Variants in TMEM117 observed in about 807,000 individuals in gnomAD.
The protein encoded by TMEM117 is transmembrane protein 117.
In TMEM117, 27 loss-of-function variants were observed where a neutral mutation model predicts 52.4. The observed-to-expected ratio is 0.51, with a 90% CI of 0.38 to 0.71. The LOEUF (loss-of-function observed/expected upper bound fraction) is 0.71, where lower values mean the gene tolerates loss of function less well. Among genes scored for constraint, TMEM117 ranks in the 30% least tolerant of loss-of-function variants. The pLI is 0.00. For missense variants in TMEM117, 556 were observed against 630.5 expected (o/e 0.88, Z 1.26); for synonymous variants, 215 against 206.3 (o/e 1.04, Z -0.36).
chr12:44,377,193 GGA>G (rs926012523), intron 7 of TMEM117, among the ~76,000 whole-genome samples: 1 of 152,130 alleles, frequency 6.6e-6, no homozygotes, highest in African/African-American at 2.4e-5. Context: ...TCTTTGCTGT[GGA>G]GAGTCATTTC....
chr12:44,274,746 T>C (rs997457175), intron 5 of TMEM117, among the ~76,000 whole-genome samples: 1 of 151,982 alleles, frequency 6.6e-6, no homozygotes, highest in Non-Finnish European at 1.5e-5. Flanking sequence ...AAACTGGATA[T>C]AAATACTCGG....
Position 44,388,292 on chromosome 12 carries a change from A to C in TMEM117, c.1165A>C (p.Ser389Arg), listed in dbSNP as rs1478458069. The C allele has an allele frequency of 6.2e-7, 1 of 1,613,644 alleles. No individual in the cohort carries two copies. The highest frequency in any genetic ancestry group is 8.5e-7 in the Non-Finnish European group (1 of 1,179,678). Residue 389 changes from serine to arginine, a missense_variant, in exon 8 of 8, where the codon AGT becomes CGT. By Grantham distance (110) the Ser-to-Arg change is moderately radical. Coordinates refer to ENST00000266534, the MANE Select transcript of TMEM117 (RefSeq NM_032256.3). ...MFLHSRFIGA[S>R]LDVKCLAFVP... ...CTTACACAGCAGGTTCATAGGAGCC[A>C]GTCTTGATGTCAAGTGTCTGGCCTT... is the stretch of plus-strand genomic sequence containing the variant.
chr12:43,834,244 AAC>A (rs1245709418), upstream of TMEM117, among the ~76,000 whole-genome samples: 1 of 152,242 alleles, frequency 6.6e-6, no homozygotes, highest in Non-Finnish European at 1.5e-5. Flanking sequence ...ACCTTTGTTA[AAC>A]AGTTACCCAC....
chr12:44,213,250 C>G (rs1949670535), intron 5 of TMEM117, among the ~76,000 whole-genome samples: 1 of 152,150 alleles, frequency 6.6e-6, no homozygotes. Context: ...AGTTCTCTGA[C>G]TCCAGAGCCC....
At chr12:44,391,845 AG>A (rs2138883671), downstream of TMEM117, among the ~76,000 whole-genome samples, 1 of 152,218 alleles carries the variant, frequency 6.6e-6, no homozygotes, top group East Asian at 1.9e-4. Flanking sequence ...GGCAGCTACA[AG>A]TAGGGTATTA....
At chr12:44,169,093 A>C (rs1565858216) in intron 4 of TMEM117, among the ~76,000 whole-genome samples, 1 of 152,118 alleles carries the variant, frequency 6.6e-6, no homozygotes, top group Non-Finnish European at 1.5e-5. Context: ...TTGTTTATTC[A>C]TTCCTCCATT....
intron 2 of TMEM117, among the ~76,000 whole-genome samples, chr12:43,875,715 T>C (rs950818141): frequency 5.3e-5 from 8 of 152,192 alleles, no homozygotes; most frequent in African/African-American, 1.4e-4. Context: ...TTGGGCTACT[T>C]TATTTACTAT....
intron 6 of TMEM117, among the ~76,000 whole-genome samples, chr12:44,368,851 C>G (rs1484364808): frequency 6.6e-6 from 1 of 152,108 alleles, no homozygotes; most frequent in Non-Finnish European, 1.5e-5. Flanking sequence ...ATTGGAGGAA[C>G]ATGCATTTGA....
At chr12:44,189,207 A>G (rs983867739) in intron 4 of TMEM117, among the ~76,000 whole-genome samples, 1 of 152,176 alleles carries the variant, frequency 6.6e-6, no homozygotes, top group African/African-American at 2.4e-5. Context: ...TAAATATATG[A>G]ATGAATAACT....
chr12:43,816,950 C>G, the TMEM117 span, among the ~76,000 whole-genome samples: 1 of 152,294 alleles, frequency 6.6e-6, no homozygotes, highest in East Asian at 1.9e-4. Context: ...TATTGGGAAA[C>G]TGGGAACTGT....
At chr12:44,381,579 C>T (rs1194255852) in intron 7 of TMEM117, among the ~76,000 whole-genome samples, 1 of 152,100 alleles carries the variant, frequency 6.6e-6, no homozygotes, top group Non-Finnish European at 1.5e-5. Context: ...GCCTGTGCAG[C>T]CTTGAGAAAA....
At chr12:44,035,694 T>A (rs1035835645) in intron 3 of TMEM117, among the ~76,000 whole-genome samples, 1 of 152,232 alleles carries the variant, frequency 6.6e-6, no homozygotes, top group African/African-American at 2.4e-5. Context: ...GTATTGAATC[T>A]GGCTTGGATT....
the TMEM117 span, chr12:43,797,266 C>G: frequency 5.2e-6 from 8 of 1,545,290 alleles, no homozygotes; most frequent in African/African-American, 8.3e-5. Context: ...AATAAACAAA[C>G]TGAAAGTAAT....
At position 44,344,278 on chromosome 12, in the gene TMEM117, G is replaced by A. The variant is rs528195238; in HGVS notation, c.769-32317G>A. 3.3e-5 allele frequency among the ~76,000 whole-genome samples: 5 copies of A among 152,164 alleles called. 1 individual carries two copies. Among genetic ancestry groups the A allele is most frequent in the African/African-American group, 1.2e-4 (5 of 41,532 alleles). Reference sequence around the variant, plus strand: ...CTAGAGGAGAAGCAACTAGGAGTATGGTTTTCACCAAGTAAAGACTGAACA... The same window carrying A: ...CTAGAGGAGAAGCAACTAGGAGTATAGTTTTCACCAAGTAAAGACTGAACA... On this transcript the variant is annotated intron_variant, in intron 6 of 7. Transcript: ENST00000266534.
At chr12:44,077,284 C>A (rs934520994) in intron 3 of TMEM117, among the ~76,000 whole-genome samples, 1 of 152,198 alleles carries the variant, frequency 6.6e-6, no homozygotes, top group African/African-American at 2.4e-5. Context: ...GTACAACTTG[C>A]TGCAAACAGG....
intron 6 of TMEM117, among the ~76,000 whole-genome samples, chr12:44,323,983 A>G (rs963003954): frequency 6.6e-6 from 1 of 151,874 alleles, no homozygotes; most frequent in African/African-American, 2.4e-5. Flanking sequence ...GGTATACTCT[A>G]TTTTTTTCCT....
chr12:43,877,327 A>G (rs1943815347), intron 2 of TMEM117, among the ~76,000 whole-genome samples: 2 of 152,190 alleles, frequency 1.3e-5, no homozygotes, highest in African/African-American at 2.4e-5. Flanking sequence ...GAGAGAATCT[A>G]TCTCATAGAA....
chr12:44,049,328 C>G (rs897221419), intron 3 of TMEM117, among the ~76,000 whole-genome samples: 11 of 152,090 alleles, frequency 7.2e-5, no homozygotes, highest in African/African-American at 2.7e-4. Flanking sequence ...GAAAACCAAA[C>G]ACCACATGTT....
the TMEM117 span, among the ~76,000 whole-genome samples, chr12:43,821,231 T>C: frequency 6.6e-6 from 1 of 152,308 alleles, no homozygotes; most frequent in African/African-American, 2.4e-5. Context: ...AATACCCTTA[T>C]TGTGTGACTG....
Sources: gnomAD v4.1 joint callset for allele counts (sites outside exome capture counted in the v4.1 genomes callset) on GRCh38, gnomAD v4.1.1 for gene constraint, MANE v1.5 for transcripts, NCBI Gene and HGNC (gene_info 2026-07-23, HGNC 2026-07-21) for gene names.